MKLN1: variants seen among roughly 807,000 people sequenced by gnomAD.
MKLN1 encodes the protein muskelin.
MKLN1 carries 18 observed loss-of-function variants against 99.0 expected under a neutral mutation model. That is an observed-to-expected ratio of 0.18 (90% CI 0.13 to 0.27). The LOEUF (loss-of-function observed/expected upper bound fraction) is 0.27, where lower values mean the gene tolerates loss of function less well. Among genes scored for constraint, MKLN1 ranks in the 10% least tolerant of loss-of-function variants. The probability of loss-of-function intolerance (pLI) is 1.00; values close to 1 mark genes in which losing one functional copy is unlikely to be tolerated. For missense variants in MKLN1, 621 were observed against 875.9 expected, an observed-to-expected ratio of 0.71 and a Z score of 3.67; for synonymous variants, 288 against 293.2, an observed-to-expected ratio of 0.98 and a Z score of 0.18.
intron 17 of MKLN1, among the ~76,000 whole-genome samples, chr7:131,483,819 T>A (rs1031106958): frequency 1.4e-4 from 22 of 152,224 alleles, no homozygotes; most frequent in African/African-American, 4.8e-4. Context: ...ATATGGTAAC[T>A]CAAATATTTT....
At chr7:131,339,372 G>A (rs1037952487) in intron 1 of MKLN1, among the ~76,000 whole-genome samples, 8 of 152,152 alleles carry the variant, frequency 5.3e-5, no homozygotes, top group Admixed American at 1.3e-4. Context: ...TTGGTGATTT[G>A]CACATTTCTT....
intron 6 of MKLN1, among the ~76,000 whole-genome samples, chr7:131,410,348 AGAT>A (rs1295475512): frequency 1.3e-5 from 2 of 152,180 alleles, no homozygotes; most frequent in Non-Finnish European, 2.9e-5. Flanking sequence ...TATAAAACGG[AGAT>A]GATAATGTGT....
intron 1 of MKLN1, among the ~76,000 whole-genome samples, chr7:131,366,790 C>T (rs565053401): frequency 7.9e-5 from 12 of 152,100 alleles, no homozygotes; most frequent in South Asian, 4.2e-4. Flanking sequence ...CCAGCCTGGG[C>T]GACAGAGTGA....
At chr7:131,457,846 C>T (rs754218996) in intron 12 of MKLN1, among the ~76,000 whole-genome samples, 30 of 152,050 alleles carry the variant, frequency 2.0e-4, no homozygotes, top group Admixed American at 5.2e-4. Flanking sequence ...AACCCACAGG[C>T]GGAGATTGCA....
intron 3 of MKLN1, among the ~76,000 whole-genome samples, chr7:131,207,276 C>T (rs564671078): frequency 1.3e-5 from 2 of 152,182 alleles, no homozygotes; most frequent in East Asian, 1.9e-4. Context: ...GTGTGATTTG[C>T]AGCCTCCACC....
At chr7:131,376,320 C>G (rs1280993377) in intron 2 of MKLN1, among the ~76,000 whole-genome samples, 1 of 133,156 alleles carries the variant, frequency 7.5e-6, no homozygotes, top group African/African-American at 2.8e-5. Context: ...GCCTGGGCAA[C>G]ACAGAAACCT....
intron 2 of MKLN1, among the ~76,000 whole-genome samples, chr7:131,178,800 T>C (rs531356331): frequency 5.3e-4 from 81 of 152,358 alleles, no homozygotes; most frequent in African/African-American, 1.8e-3. Flanking sequence ...AGTCACTTTC[T>C]TAGAGGTGAA....
At chr7:131,249,456 T>C (rs1332258500) in intron 3 of MKLN1, among the ~76,000 whole-genome samples, 3 of 152,192 alleles carry the variant, frequency 2.0e-5, no homozygotes, top group Non-Finnish European at 2.9e-5. Flanking sequence ...TGTGGAGACA[T>C]GTTTATTCCA....
intron 1 of MKLN1, among the ~76,000 whole-genome samples, chr7:131,347,649 G>A (rs1799603898): frequency 6.6e-6 from 1 of 152,118 alleles, no homozygotes; most frequent in Non-Finnish European, 1.5e-5. Context: ...TTAGAGGTGA[G>A]AGTCAATAAA....
At chr7:131,355,294 C>G (rs1364944244) in intron 1 of MKLN1, among the ~76,000 whole-genome samples, 3 of 151,916 alleles carry the variant, frequency 2.0e-5, no homozygotes, top group African/African-American at 2.4e-5. Context: ...TGAACTGTAT[C>G]AGCCTTATTT....
intron 5 of MKLN1, among the ~76,000 whole-genome samples, chr7:131,398,002 A>AT (rs1794408630): frequency 6.6e-6 from 1 of 152,214 alleles, no homozygotes; most frequent in South Asian, 2.1e-4. Context: ...ATAGTTAATT[A>AT]TAACGTGTAA....
chr7:131,457,653 C>T (rs1221479486), intron 12 of MKLN1, among the ~76,000 whole-genome samples: 4 of 152,180 alleles, frequency 2.6e-5, no homozygotes, highest in African/African-American at 7.2e-5. Context: ...CGGGGGCTCA[C>T]ACCTGTAATC....
At chr7:131,442,275 C>T (rs1003266379) in intron 10 of MKLN1, among the ~76,000 whole-genome samples, 58 of 152,152 alleles carry the variant, frequency 3.8e-4, no homozygotes, top group African/African-American at 1.1e-3. Flanking sequence ...TAGCCAGGCA[C>T]GGTGGCTCAT....
intron 10 of MKLN1, among the ~76,000 whole-genome samples, chr7:131,442,793 T>C (rs1795879693): frequency 6.6e-6 from 1 of 152,240 alleles, no homozygotes; most frequent in Non-Finnish European, 1.5e-5. Context: ...AATGGCTGTT[T>C]TCTCACACAT....
rs1797566454 is a variant in MKLN1 at position 131,496,532 on chromosome 7, G to T, written c.*8804G>T. The T allele has an allele frequency of 6.6e-6, 1 of 151,864 alleles. No individual in the cohort carries two copies. Among genetic ancestry groups the T allele is most frequent in the African/African-American group, 2.4e-5 (1 of 41,244 alleles). 9.4% of individuals were successfully genotyped at this position (151,864 alleles called of 1,614,324 possible). On this transcript the variant is annotated 3_prime_UTR_variant, in exon 18 of 18. Coordinates refer to ENST00000352689, the MANE Select transcript of MKLN1 (RefSeq NM_013255.5). ...TTGTGAATAAATAAATGAGTGATCT[G>T]CTAAAAATGGCAATTGTAGAATTAT...
intron 14 of MKLN1, among the ~76,000 whole-genome samples, chr7:131,465,795 T>C (rs1796646300): frequency 6.6e-6 from 1 of 152,204 alleles, no homozygotes; most frequent in Admixed American, 6.5e-5. Flanking sequence ...TGCCTCGGCC[T>C]CCCAAAGTGC....
chr7:131,321,119 GAC>G (rs1394875744), intron 3 of MKLN1, among the ~76,000 whole-genome samples: 1 of 152,158 alleles, frequency 6.6e-6, no homozygotes, highest in African/African-American at 2.4e-5. Flanking sequence ...CTGGTATAAA[GAC>G]ACATGCACAT....
rs1459301759 is a variant in MKLN1 at position 131,463,210 on chromosome 7, T to A, written c.1526-7T>A. ...ATTTTCATCTTATTTTTTTCTTTAA[T>A]TTGTAGTTCCAATGACAGGATTTAC... On this transcript the variant is annotated splice_region_variant and splice_polypyrimidine_tract_variant and intron_variant, in intron 12 of 17. Transcript: ENST00000352689. 6.3e-7 allele frequency: 1 copy of A among 1,599,736 alleles called. No homozygotes were observed. The highest frequency in any genetic ancestry group is 8.5e-7 in the Non-Finnish European group (1 of 1,170,378).
chr7:131,123,621 C>T (rs1011014841), intron 1 of MKLN1, among the ~76,000 whole-genome samples: 1 of 152,054 alleles, frequency 6.6e-6, no homozygotes, highest in Admixed American at 6.6e-5. Context: ...AACCCTGTCT[C>T]TAGTAAAAAT....
Sources: gnomAD v4.1 joint callset for allele counts (sites outside exome capture counted in the v4.1 genomes callset) on GRCh38, gnomAD v4.1.1 for gene constraint, MANE v1.5 for transcripts, NCBI Gene and HGNC (gene_info 2026-07-23, HGNC 2026-07-21) for gene names.